CMIP: variants seen among roughly 807,000 people sequenced by gnomAD.
The protein encoded by CMIP is C-Maf-inducing protein.
A neutral mutation model predicts 97.3 loss-of-function variants in CMIP; 13 were observed. The observed-to-expected ratio is 0.13, with a 90% confidence interval of 0.09 to 0.21. The LOEUF (loss-of-function observed/expected upper bound fraction) is 0.21, where lower values mean the gene tolerates loss of function less well. CMIP is among the 10% of genes least tolerant of loss of function. The pLI is 1.00. For missense variants in CMIP, 847 were observed against 1,024.9 expected (o/e 0.83, Z 2.37); for synonymous variants, 538 against 436.3 (o/e 1.23, Z -2.91).
chr16:81,657,693 G>A (rs2092499925), intron 4 of CMIP, 82 bp from the exon 5 acceptor site: 3 of 1,178,130 alleles, frequency 2.5e-6, no homozygotes, highest in African/African-American at 3.1e-5. Flanking sequence ...TTTCAAAACT[G>A]TGGATCTTGA....
At chr16:81,607,459 A>G (rs1462972187) in intron 1 of CMIP, 108 bp from the exon 2 acceptor site, 9 of 1,429,800 alleles carry the variant, frequency 6.3e-6, no homozygotes, top group Non-Finnish European at 8.6e-6. Flanking sequence ...CACCAGCTCC[A>G]TTTGCCTGTC....
intron 13 of CMIP, 124 bp downstream of exon 13, chr16:81,693,611 T>A: frequency 9.6e-7 from 1 of 1,043,008 alleles, no homozygotes; most frequent in Non-Finnish European, 1.4e-6. Flanking sequence ...AGAGACCCAT[T>A]GCCTGTGTAT....
intron 1 of CMIP, among the ~76,000 whole-genome samples, chr16:81,496,236 A>T (rs2089488474): frequency 6.6e-6 from 1 of 152,196 alleles, no homozygotes; most frequent in South Asian, 2.1e-4. Flanking sequence ...GTTACTATTA[A>T]AATTGCTACA....
intron 9 of CMIP, among the ~76,000 whole-genome samples, chr16:81,673,003 G>C (rs1346882209): frequency 1.3e-5 from 2 of 152,212 alleles, no homozygotes; most frequent in African/African-American, 4.8e-5. Context: ...AAATGTGCAA[G>C]ATCATGTCAG....
At chr16:81,501,508 T>C (rs955066068) in intron 1 of CMIP, among the ~76,000 whole-genome samples, 3 of 149,348 alleles carry the variant, frequency 2.0e-5, no homozygotes, top group Non-Finnish European at 4.4e-5. Flanking sequence ...AATTCTTGAA[T>C]GGGGAGAGAA....
intron 1 of CMIP, among the ~76,000 whole-genome samples, chr16:81,599,906 G>A (rs1389829090): frequency 4.6e-5 from 7 of 152,152 alleles, no homozygotes; most frequent in Non-Finnish European, 7.3e-5. Flanking sequence ...GTTAACCACG[G>A]GCACCTGTGA....
intron 1 of CMIP, among the ~76,000 whole-genome samples, chr16:81,492,899 A>G (rs2089427634): frequency 6.6e-6 from 1 of 152,106 alleles, no homozygotes; most frequent in Admixed American, 6.5e-5. Flanking sequence ...AGAGAGACCC[A>G]GAAAGACAGA....
intron 9 of CMIP, among the ~76,000 whole-genome samples, chr16:81,675,019 C>G (rs1432046289): frequency 9.2e-5 from 14 of 152,158 alleles, no homozygotes; most frequent in Admixed American, 9.2e-4. Flanking sequence ...CAGTGCCATT[C>G]TGATTTAATT....
At chr16:81,591,954 G>A (rs2091473187) in intron 1 of CMIP, among the ~76,000 whole-genome samples, 1 of 151,582 alleles carries the variant, frequency 6.6e-6, no homozygotes, top group Admixed American at 6.6e-5. Context: ...CTCCCAGGTA[G>A]CTGGGATTAC....
At chr16:81,574,760 C>T (rs970166484) in intron 1 of CMIP, among the ~76,000 whole-genome samples, 6 of 152,112 alleles carry the variant, frequency 3.9e-5, no homozygotes, top group African/African-American at 9.7e-5. Flanking sequence ...TCCCTGTTCT[C>T]GGGAGGCTCA....
intron 1 of CMIP, among the ~76,000 whole-genome samples, chr16:81,488,498 C>G (rs552196653): frequency 6.6e-6 from 1 of 152,334 alleles, no homozygotes; most frequent in East Asian, 1.9e-4. Flanking sequence ...TCCACTCATT[C>G]CACCTGCAGG....
chr16:81,462,447 C>T (rs778556312), intron 1 of CMIP, among the ~76,000 whole-genome samples: 1 of 151,952 alleles, frequency 6.6e-6, no homozygotes, highest in Non-Finnish European at 1.5e-5. Context: ...GCTAGGGGGT[C>T]AGTGACGCTT....
intron 1 of CMIP, among the ~76,000 whole-genome samples, chr16:81,607,363 G>C (rs763798082): frequency 5.3e-5 from 8 of 152,206 alleles, no homozygotes; most frequent in Non-Finnish European, 1.2e-4. Flanking sequence ...TGTGGGTGGA[G>C]TTTTACAGTG....
chr16:81,696,628 G>A lies in CMIP; in HGVS notation c.1599G>A (p.Gly533=), dbSNP rs1906750491. 2 of 1,607,320 alleles carry A rather than the reference G, an allele frequency of 1.2e-6. No homozygotes were observed. Among genetic ancestry groups the A allele is most frequent in the East Asian group, 2.2e-5 (1 of 44,884 alleles). ...GGTTCCAGCTCTACAGCCCCGGAGG[G>A]GTGGCCTGCGACGATGACGGGGAGC... is the stretch of plus-strand genomic sequence containing the variant. The part of the protein sequence containing the change: ...DGWFQLYSPG[G]VACDDDGELF... Residue 533 remains glycine (G), a synonymous_variant, in exon 14 of 21, where the codon GGG becomes GGA. Coordinates refer to ENST00000537098, the MANE Select transcript of CMIP (RefSeq NM_198390.3).
At chr16:81,696,993 A>G (rs1906805040) in intron 14 of CMIP, 2 of 379,040 alleles carry the variant, frequency 5.3e-6, no homozygotes, top group Non-Finnish European at 9.7e-6. Flanking sequence ...CTAAGGTCAC[A>G]CAGTTCATTG....
intron 1 of CMIP, among the ~76,000 whole-genome samples, chr16:81,588,581 C>T (rs2091419371): frequency 6.6e-6 from 1 of 152,164 alleles, no homozygotes; most frequent in South Asian, 2.1e-4. Context: ...ATGACATGGC[C>T]ATGGCTTCAG....
At chr16:81,656,677 G>A (rs980932157) in intron 4 of CMIP, among the ~76,000 whole-genome samples, 4 of 152,166 alleles carry the variant, frequency 2.6e-5, no homozygotes, top group East Asian at 1.9e-4. Context: ...TCGCTCTGTC[G>A]CCCAGGCTGG....
intron 3 of CMIP, among the ~76,000 whole-genome samples, chr16:81,641,371 C>T (rs959014796): frequency 6.6e-6 from 1 of 151,990 alleles, no homozygotes; most frequent in Admixed American, 6.6e-5. Context: ...GATGTCATCC[C>T]TGCTCCCAAG....
intron 1 of CMIP, among the ~76,000 whole-genome samples, chr16:81,449,154 C>T (rs1906051095): frequency 1.3e-5 from 2 of 152,240 alleles, no homozygotes; most frequent in South Asian, 4.1e-4. Context: ...TTTCATCTTA[C>T]TTTTAAGAGA....
Sources: gnomAD v4.1 joint callset for allele counts (sites outside exome capture counted in the v4.1 genomes callset) on GRCh38, gnomAD v4.1.1 for gene constraint, MANE v1.5 for transcripts, NCBI Gene and HGNC (gene_info 2026-07-23, HGNC 2026-07-21) for gene names.